Variants in RAB11FIP1 observed in about 807,000 individuals in gnomAD.
The protein encoded by RAB11FIP1 is rab11 family-interacting protein 1.
A neutral mutation model predicts 83.1 loss-of-function variants in RAB11FIP1; 49 were observed. That is an observed-to-expected ratio of 0.59 (90% CI 0.47 to 0.75). RAB11FIP1 has a LOEUF of 0.75. RAB11FIP1 is among the 30% of genes least tolerant of loss of function. The pLI is 0.00. For synonymous variants in RAB11FIP1, 670 were observed against 656.0 expected (o/e 1.02, Z -0.33); for missense variants, 1,536 against 1,598.7 (o/e 0.96, Z 0.67).
At chr8:37,890,322 C>A (rs989322785) in intron 1 of RAB11FIP1, among the ~76,000 whole-genome samples, 2 of 152,148 alleles carry the variant, frequency 1.3e-5, no homozygotes, top group African/African-American at 2.4e-5. Flanking sequence ...CTAGCCATGT[C>A]CTTTTTTAAA....
chr8:37,874,486 T>C, intron 3 of RAB11FIP1, 29 bp downstream of exon 3: 1 of 1,585,546 alleles, frequency 6.3e-7, no homozygotes. Context: ...AAGGCAGAAA[T>C]GCCCTGCACG....
chr8:37,872,537 C>G lies in RAB11FIP1; in HGVS notation c.2265G>C (p.Gln755His). ...CTTTGCTCTCCACAAGAGACCCAGC[C>G]TGACTCTCCAAGTCTCTGTCTCCTC... is the stretch of plus-strand genomic sequence containing the variant. ...AAGGDRDLES[Q>H]AGSLVESKAR... Residue 755 changes from glutamine (Q) to histidine (H), a missense_variant, in exon 4 of 6, where the codon CAG becomes CAC. Coordinates refer to ENST00000330843, the MANE Select transcript of RAB11FIP1 (RefSeq NM_001002814.3). The G allele has an allele frequency of 6.2e-7, 1 of 1,614,252 alleles. No homozygotes were observed. Among genetic ancestry groups the G allele is most frequent in the South Asian group, 1.1e-5 (1 of 91,090 alleles).
At position 37,874,667 on chromosome 8, in the gene RAB11FIP1, A is replaced by G; in HGVS notation, c.1470T>C (p.Asp490=). 1 of 1,614,208 alleles carries G rather than the reference A, an allele frequency of 6.2e-7. No individual in the cohort carries two copies. The highest frequency in any genetic ancestry group is 8.5e-7 in the Non-Finnish European group (1 of 1,180,036). ...AEDLVRRSEK[D]TAAVVSRQGS... ...CCTGTCTGGAGACAACAGCTGCAGT[A>G]TCTTTCTCAGATCTTCTCACAAGGT... The change falls in exon 3 of 6, where the codon GAT becomes GAC. Residue 490 remains aspartate (D), a synonymous_variant. Coordinates refer to ENST00000330843, the MANE Select transcript of RAB11FIP1 (RefSeq NM_001002814.3).
rs189187046 is a variant in RAB11FIP1, at chr8:37,877,336, G to T, written c.587C>A (p.Thr196Lys). 2 of 1,613,990 alleles carry T rather than the reference G, an allele frequency of 1.2e-6. No homozygotes were observed. The highest frequency in any genetic ancestry group is 1.7e-6 in the Non-Finnish European group (2 of 1,179,988). The change falls in exon 2 of 6, where the codon ACG becomes AAG. Residue 196 changes from threonine (T) to lysine (K), a missense_variant. By Grantham distance (78) the Thr-to-Lys change is moderately conservative (BLOSUM62 -1). Coordinates refer to ENST00000330843, the MANE Select transcript of RAB11FIP1 (RefSeq NM_001002814.3). The stretch of plus-strand genomic sequence containing the variant: ...ATCATCACTGTCGACCGAAGGTGTC[G>T]TGCTAGGGATGATGGCGGAGGCGGT... ...SDTASAIIPS[T>K]TPSVDSDDES... is the part of the protein sequence containing the mutation.
intron 3 of RAB11FIP1, among the ~76,000 whole-genome samples, chr8:37,873,754 C>T (rs1021226865): frequency 2.0e-5 from 3 of 152,002 alleles, no homozygotes; most frequent in Non-Finnish European, 4.4e-5. Context: ...ACACAAGGCC[C>T]GAGCATTTGA....
intron 1 of RAB11FIP1, among the ~76,000 whole-genome samples, chr8:37,893,559 G>A (rs1303940932): frequency 6.6e-6 from 1 of 152,144 alleles, no homozygotes; most frequent in East Asian, 1.9e-4. Flanking sequence ...TACAGCAGGA[G>A]GACTGCTTGA....
At chr8:37,895,881 G>GACACACACAC (rs374289320) in intron 1 of RAB11FIP1, among the ~76,000 whole-genome samples, 1 of 150,022 alleles carries the variant, frequency 6.7e-6, no homozygotes, top group African/African-American at 2.4e-5. Context: ...CAGACAGAGA[G>GACACACACAC]ACACACACAC....
At chr8:37,897,356 T>C (rs2130206432) in intron 1 of RAB11FIP1, among the ~76,000 whole-genome samples, 1 of 151,568 alleles carries the variant, frequency 6.6e-6, no homozygotes, top group African/African-American at 2.4e-5. Flanking sequence ...AAAGGCTATG[T>C]ATATCTAAAA....
intron 5 of RAB11FIP1, among the ~76,000 whole-genome samples, chr8:37,870,157 T>C (rs914905452): frequency 4.6e-5 from 7 of 151,864 alleles, no homozygotes; most frequent in African/African-American, 1.7e-4. Context: ...TTTTAAATAA[T>C]TTTTTTAAAA....
rs757743026 is a variant in RAB11FIP1 at position 37,871,361 on chromosome 8, T to C, written c.3441A>G (p.Pro1147=). 29 of 1,613,928 alleles carry C rather than the reference T, an allele frequency of 1.8e-5. 1 individual carries two copies. The African/African-American group carries it at 3.2e-4, about 18-fold the overall frequency. The change falls in exon 4 of 6, where the codon CCA becomes CCG. Residue 1147 remains proline (P), a synonymous_variant. Transcript: ENST00000330843. The stretch of plus-strand genomic sequence containing the variant: ...AGGGTGAGACCCAGGCCTGGAGGAG[T>C]GGCTTCCTCTTGCCAAAATTTTCAA... ...GRVENFGKRK[P]LLQAWVSPSE... is the part of the protein sequence containing the mutation.
rs78017237 is a variant in RAB11FIP1 at position 37,899,277 on chromosome 8, G to A, written c.165C>T (p.Ser55=). The A allele has an allele frequency of 1.9e-6, 3 of 1,608,164 alleles. No homozygotes were observed. Among genetic ancestry groups the A allele is most frequent in the East Asian group, 2.2e-5 (1 of 44,704 alleles). The part of the protein sequence containing the change: ...IQVGKEKYAT[S]VSERSLGAPV... ...GCGCGCCCAGGCTGCGCTCCGACAC[G>A]GAGGTGGCGTACTTCTCCTTGCCCA... The change falls in exon 1 of 6, where the codon TCC becomes TCT. Residue 55 remains serine (S), a synonymous_variant. Coordinates refer to ENST00000330843, the MANE Select transcript of RAB11FIP1 (RefSeq NM_001002814.3). The surrounding 1 kb of genome is among the most constrained non-coding windows in gnomAD (Gnocchi z 4.5).
chr8:37,863,258 C>A, intron 5 of RAB11FIP1, 145 bp from the exon 6 acceptor site: 1 of 437,098 alleles, frequency 2.3e-6, no homozygotes, highest in Non-Finnish European at 4.0e-6. Flanking sequence ...TTCTTTCTTT[C>A]TTTTTGAGAC....
At chr8:37,887,853 T>C (rs1018412004) in intron 1 of RAB11FIP1, among the ~76,000 whole-genome samples, 3 of 152,238 alleles carry the variant, frequency 2.0e-5, no homozygotes, top group Non-Finnish European at 4.4e-5. Context: ...TATACATTAC[T>C]GGCTTATAAT....
chr8:37,893,788 CA>C lies in RAB11FIP1; in HGVS notation c.371+5282del, dbSNP rs898930494. ...CTGGGAAAGAGTGAGACCCTGTCTC[CA>C]AAAAAAAAGGATAAACTTTAGAAAC... is the stretch of plus-strand genomic sequence containing the variant. On this transcript the variant is annotated intron_variant, in intron 1 of 5. Coordinates refer to ENST00000330843, the MANE Select transcript of RAB11FIP1 (RefSeq NM_001002814.3). Among the ~76,000 whole-genome samples, 640 of 145,238 alleles carry C rather than the reference CA, an allele frequency of 4.4e-3. 4 individuals carry two copies. The highest frequency in any genetic ancestry group is 0.016 in the African/African-American group (612 of 39,434).
intron 5 of RAB11FIP1, 81 bp from the exon 6 acceptor site, chr8:37,863,194 A>C (rs915132200): frequency 5.5e-6 from 6 of 1,095,404 alleles, no homozygotes; most frequent in Admixed American, 2.1e-5. Flanking sequence ...AGTACAAAGG[A>C]GGAAAAAGTG....
At chr8:37,883,751 T>C (rs1806769219) in intron 1 of RAB11FIP1, among the ~76,000 whole-genome samples, 1 of 152,218 alleles carries the variant, frequency 6.6e-6, no homozygotes, top group Non-Finnish European at 1.5e-5. Context: ...CAACACAGCA[T>C]GTGATGGCAG....
chr8:37,881,965 T>C (rs1806739572), intron 1 of RAB11FIP1, among the ~76,000 whole-genome samples: 1 of 152,186 alleles, frequency 6.6e-6, no homozygotes, highest in South Asian at 2.1e-4. Flanking sequence ...ATGGTAGCCT[T>C]GGTGATGAAG....
At chr8:37,877,031 T>G (rs928095247) in intron 2 of RAB11FIP1, 78 bp downstream of exon 2, 4 of 1,039,196 alleles carry the variant, frequency 3.8e-6, no homozygotes, top group Non-Finnish European at 5.7e-6. Context: ...CTCTTGAGAT[T>G]TGTCTGTTTC....
rs182942533 is a variant in RAB11FIP1 at position 37,876,127 on chromosome 8, G to A, written c.815-805C>T. 1.3e-4 allele frequency among the ~76,000 whole-genome samples: 20 copies of A among 152,008 alleles called. No homozygotes were observed. In the East Asian group the frequency reaches 3.3e-3, roughly 25 times the overall value. On this transcript the variant is annotated intron_variant, in intron 2 of 5. Transcript: ENST00000330843. Reference sequence around the variant, plus strand: ...GGAGAATTGCTTAAACCCAGGAGGCGGAAGTTGCAAAGAGCCAAGATCGCA... The same window carrying A: ...GGAGAATTGCTTAAACCCAGGAGGCAGAAGTTGCAAAGAGCCAAGATCGCA...
Sources: allele counts gnomAD v4.1 joint callset (sites outside exome capture counted in the v4.1 genomes callset), GRCh38; gene constraint gnomAD v4.1.1; non-coding constraint Gnocchi (gnomAD v3.1); transcripts MANE v1.5; gene names NCBI Gene and HGNC (gene_info 2026-07-23, HGNC 2026-07-21).